The following NDE1 variants were observed in gnomAD, a reference collection of about 807,000 sequenced individuals.
NDE1 encodes the protein nudE neurodevelopment protein 1.
NDE1 carries 28 observed loss-of-function variants against 43.4 expected under a neutral mutation model. That is an observed-to-expected ratio of 0.65 (90% confidence interval 0.48 to 0.89). The LOEUF is 0.89. Ranked by LOEUF, NDE1 falls within the 40% of genes least tolerant of loss-of-function variation. The probability of loss-of-function intolerance (pLI) is 0.00; values close to 1 mark genes in which losing one functional copy is unlikely to be tolerated. For missense variants in NDE1, 441 were observed against 434.1 expected, an observed-to-expected ratio of 1.02 and a Z score of -0.14; for synonymous variants, 184 against 172.0, an observed-to-expected ratio of 1.07 and a Z score of -0.55.
intron 3 of NDE1, among the ~76,000 whole-genome samples, chr16:15,676,035 G>A (rs56280649): frequency 0.062 from 9,400 of 152,034 alleles, 1,006 homozygotes; most frequent in African/African-American, 0.21. Context: ...TGCTGCAGCT[G>A]GCAACAGGGA....
At position 15,717,133 on chromosome 16, in the gene NDE1, C is replaced by T. The variant is rs529718944; in HGVS notation, c.948-7058C>T. 48 of 1,614,132 alleles carry T rather than the reference C, an allele frequency of 3.0e-5. 1 individual carries two copies. The highest frequency in any genetic ancestry group is 2.1e-4 in the South Asian group (19 of 91,088). On this transcript the variant is annotated intron_variant, in intron 8 of 8. Coordinates refer to ENST00000396354, the MANE Select transcript of NDE1 (RefSeq NM_017668.3). ...CAAACTGGGTTCGGAACTCCACACC[C>T]GCATACCTGGCCTCCTGCTCGACCT...
intron 8 of NDE1, chr16:15,715,182 G>C: frequency 5.0e-6 from 8 of 1,613,860 alleles, no homozygotes; most frequent in Non-Finnish European, 6.8e-6. Flanking sequence ...TGTACTGCTC[G>C]GCCATCTTGC....
chr16:15,711,833 C>T (rs1440249795), intron 8 of NDE1, among the ~76,000 whole-genome samples: 1 of 152,136 alleles, frequency 6.6e-6, no homozygotes, highest in Non-Finnish European at 1.5e-5. Context: ...GCTGGGATTA[C>T]AGGCACGCCC....
intron 2 of NDE1, among the ~76,000 whole-genome samples, chr16:15,665,787 G>T (rs1479091681): frequency 7.1e-6 from 1 of 141,830 alleles, no homozygotes; most frequent in African/African-American, 2.6e-5. Flanking sequence ...ATGGAGTTTC[G>T]CTCTTCTTGC....
intron 3 of NDE1, among the ~76,000 whole-genome samples, chr16:15,669,487 G>C (rs1021986494): frequency 6.6e-6 from 1 of 151,418 alleles, no homozygotes; most frequent in African/African-American, 2.4e-5. Context: ...TCAGCCTCCT[G>C]AGTAGCTGAG....
rs534983279 is a variant in NDE1, at chr16:15,720,840, T to C, written c.948-3351T>C. On this transcript the variant is annotated intron_variant, in intron 8 of 8. Transcript: ENST00000396354. Reference sequence around the variant, plus strand: ...GCTGGCCTCCCCGGCAGCACGCACCTGTCTCTGCAGTTGCCTCCTCTTCTC... The same window carrying C: ...GCTGGCCTCCCCGGCAGCACGCACCCGTCTCTGCAGTTGCCTCCTCTTCTC... 3.7e-6 allele frequency: 6 copies of C among 1,613,468 alleles called. No homozygotes were observed. In the African/African-American group the frequency reaches 5.3e-5, roughly 14 times the overall value.
rs1177615503 is a variant in NDE1, at chr16:15,667,627, G to GTTT, written c.237+190_237+192dup. On this transcript the variant is annotated intron_variant, in intron 3 of 8. Transcript: ENST00000396354. ...GTGCCTCTAGTGGGTGGTGCTTTTTGTTTTGTTTTTTTTTTTTTTTTGAGA... is the reference window on the plus strand; with the variant it reads ...GTGCCTCTAGTGGGTGGTGCTTTTTGTTTTTTTGTTTTTTTTTTTTTTTTGAGA... Among the ~76,000 whole-genome samples, 827 of 112,986 alleles carry GTTT rather than the reference G, an allele frequency of 7.3e-3. 43 individuals carry two copies. Among genetic ancestry groups the GTTT allele is most frequent in the Middle Eastern group, 0.016 (3 of 184 alleles). 74.1% of individuals were successfully genotyped at this position (112,986 alleles called of 152,430 possible). A position where few individuals can be genotyped will look rare whatever the true frequency, so the allele number is the denominator to read the frequency against.
At chr16:15,671,496 C>G (rs1274122930) in intron 3 of NDE1, among the ~76,000 whole-genome samples, 1 of 152,000 alleles carries the variant, frequency 6.6e-6, no homozygotes, top group African/African-American at 2.4e-5. Context: ...GGTGACAGAG[C>G]AAAAGTTAAA....
chr16:15,711,437 T>G (rs576814486), intron 8 of NDE1, among the ~76,000 whole-genome samples: 1 of 152,218 alleles, frequency 6.6e-6, no homozygotes, highest in African/African-American at 2.4e-5. Flanking sequence ...TAGCTAGATA[T>G]TGAACTTGAT....
At chr16:15,720,732 CA>C (rs961111104) in intron 8 of NDE1, 991 of 1,246,536 alleles carry the variant, frequency 8.0e-4, no homozygotes, top group Middle Eastern at 1.3e-3. Flanking sequence ...GACTCTGTTT[CA>C]AAAAAAAATA....
At chr16:15,716,470 G>C (rs2040147654) in intron 8 of NDE1, among the ~76,000 whole-genome samples, 1 of 152,130 alleles carries the variant, frequency 6.6e-6, no homozygotes, top group South Asian at 2.1e-4. Context: ...AAGGCTTCCA[G>C]TGTGTGTACC....
intron 3 of NDE1, among the ~76,000 whole-genome samples, chr16:15,669,388 A>G (rs1400836832): frequency 2.0e-4 from 25 of 123,590 alleles, no homozygotes; most frequent in Non-Finnish European, 3.3e-5. Context: ...TTTGAGACGC[A>G]GTCTCACTCT....
chr16:15,649,285 A>G (rs2036396238), upstream of NDE1: 1 of 152,238 alleles, frequency 6.6e-6, no homozygotes, highest in South Asian at 2.1e-4. Context: ...ACGTTTTTAC[A>G]AATGCTGTTA....
chr16:15,722,137 G>T (rs2040519204), intron 8 of NDE1, among the ~76,000 whole-genome samples: 1 of 152,128 alleles, frequency 6.6e-6, no homozygotes, highest in Non-Finnish European at 1.5e-5. Flanking sequence ...GAGATTACAG[G>T]TGTGAGCCAC....
At position 15,711,381 on chromosome 16, in the gene NDE1, G is replaced by C. The variant is rs184807224; in HGVS notation, c.948-12810G>C. The C allele has an allele frequency of 2.0e-4, 30 of 152,240 alleles. No homozygotes were observed. The East Asian group carries it at 4.0e-3, about 21-fold the overall frequency. The allele number at this position is 152,240 out of a possible 1,614,324, so 9.4% of individuals were successfully genotyped here. ...AATGGCTGTTGTCACTCCCTTTTTA[G>C]TGGAGAAGTAGGCTTCAGGTCTTGG... On this transcript the variant is annotated intron_variant, in intron 8 of 8. Coordinates refer to ENST00000396354, the MANE Select transcript of NDE1 (RefSeq NM_017668.3).
At chr16:15,719,540 C>A in intron 8 of NDE1, 1 of 1,612,482 alleles carries the variant, frequency 6.2e-7, no homozygotes, top group Non-Finnish European at 8.5e-7. Flanking sequence ...GGGGTGCTAC[C>A]GTGACACCCG....
chr16:15,719,201 C>G (rs764520837), intron 8 of NDE1: 3 of 1,611,410 alleles, frequency 1.9e-6, no homozygotes, highest in Admixed American at 3.3e-5. Flanking sequence ...GAGCCCTCTT[C>G]CTCCATTCAG....
At position 15,694,265 on chromosome 16, in the gene NDE1, A is replaced by C; in HGVS notation, c.795+9A>C. On this transcript the variant is annotated intron_variant, in intron 7 of 8. Coordinates refer to ENST00000396354, the MANE Select transcript of NDE1 (RefSeq NM_017668.3). ...TACTGCGGAAAGTCGGGGTAAGACC[A>C]CACTTTCCTGGCGTTTGGTGCCTTC... 1 of 1,612,532 alleles carries C rather than the reference A, an allele frequency of 6.2e-7. No individual in the cohort carries two copies. The highest frequency in any genetic ancestry group is 8.5e-7 in the Non-Finnish European group (1 of 1,179,442).
intron 3 of NDE1, among the ~76,000 whole-genome samples, chr16:15,672,278 A>G (rs1032057117): frequency 3.3e-5 from 5 of 151,968 alleles, no homozygotes; most frequent in African/African-American, 9.7e-5. Context: ...ACTAAAAATA[A>G]AAAAATTAGC....
Sources: allele counts gnomAD v4.1 joint callset (sites outside exome capture counted in the v4.1 genomes callset), GRCh38; gene constraint gnomAD v4.1.1; transcripts MANE v1.5; gene names NCBI Gene and HGNC (gene_info 2026-07-23, HGNC 2026-07-21).